Variants in RALYL observed in about 807,000 individuals in gnomAD.
RALYL encodes RALY RNA binding protein like, also known as RNA-binding Raly-like protein.
In RALYL, 29 loss-of-function variants were observed where a neutral mutation model predicts 35.1. That is an observed-to-expected ratio of 0.83 (90% confidence interval 0.61 to 1.13). RALYL has a LOEUF of 1.13. RALYL is among the 50% of genes most tolerant of loss of function. RALYL has a pLI of 0.00. For synonymous variants in RALYL, 120 were observed against 127.6 expected (o/e 0.94, Z 0.40); for missense variants, 359 against 360.4 (o/e 1.00, Z 0.03).
At chr8:84,642,391 CT>C (rs201476519) in intron 2 of RALYL, among the ~76,000 whole-genome samples, 47 of 151,772 alleles carry the variant, frequency 3.1e-4, no homozygotes, top group Middle Eastern at 3.4e-3. Flanking sequence ...ACTCTTTTAC[CT>C]TTTTTTTCCT....
intron 1 of RALYL, among the ~76,000 whole-genome samples, chr8:84,215,155 C>T (rs1314118371): frequency 6.6e-6 from 1 of 152,032 alleles, no homozygotes; most frequent in Non-Finnish European, 1.5e-5. Flanking sequence ...AGAAAAAACA[C>T]TGATTTATCT....
At chr8:84,539,313 A>G (rs115819298) in intron 2 of RALYL, among the ~76,000 whole-genome samples, 1 of 152,178 alleles carries the variant, frequency 6.6e-6, no homozygotes, top group Non-Finnish European at 1.5e-5. Flanking sequence ...ATACAAAGTG[A>G]TGTAAAAACC....
chr8:84,530,208 A>G (rs946209554), intron 2 of RALYL, among the ~76,000 whole-genome samples: 11 of 152,232 alleles, frequency 7.2e-5, no homozygotes, highest in African/African-American at 2.6e-4. Context: ...AATATTTTAT[A>G]ATTAATGTGT....
At chr8:84,573,027 A>G (rs944261850) in intron 2 of RALYL, among the ~76,000 whole-genome samples, 1 of 151,602 alleles carries the variant, frequency 6.6e-6, no homozygotes, top group African/African-American at 2.4e-5. Context: ...CACTTCATAT[A>G]TAATGTAAGA....
chr8:84,335,709 CT>C (rs548185561), intron 1 of RALYL, among the ~76,000 whole-genome samples: 1,684 of 85,252 alleles, frequency 0.02, 37 homozygotes, highest in Admixed American at 0.088. Flanking sequence ...GTTTTCTTAC[CT>C]TTTTTTTTTT....
At chr8:84,624,773 T>G (rs554201526) in intron 2 of RALYL, among the ~76,000 whole-genome samples, 3 of 152,218 alleles carry the variant, frequency 2.0e-5, no homozygotes, top group East Asian at 1.9e-4. Context: ...GCCTCTTGAC[T>G]TACCCTATCG....
intron 2 of RALYL, among the ~76,000 whole-genome samples, chr8:84,704,565 G>GA (rs35560080): frequency 1.3e-5 from 2 of 150,954 alleles, no homozygotes; most frequent in East Asian, 1.9e-4. Context: ...TACATCTCTG[G>GA]AAAAAAAATG....
chr8:84,902,115 C>A (rs1227815030), intron 8 of RALYL, among the ~76,000 whole-genome samples: 1 of 152,098 alleles, frequency 6.6e-6, no homozygotes, highest in African/African-American at 2.4e-5. Flanking sequence ...ATACCTAAGA[C>A]TCGGTAACTT....
intron 1 of RALYL, among the ~76,000 whole-genome samples, chr8:84,337,594 A>G (rs1473322289): frequency 6.6e-6 from 1 of 152,134 alleles, no homozygotes; most frequent in Non-Finnish European, 1.5e-5. Context: ...AGCAGAAAAC[A>G]TCTGATAAAT....
chr8:84,451,883 A>G (rs1283100776), intron 1 of RALYL, among the ~76,000 whole-genome samples: 1 of 151,918 alleles, frequency 6.6e-6, no homozygotes, highest in Non-Finnish European at 1.5e-5. Context: ...CTATAACTCA[A>G]TTACAAAATG....
intron 8 of RALYL, among the ~76,000 whole-genome samples, chr8:84,920,444 C>T (rs1235566192): frequency 6.6e-6 from 1 of 151,990 alleles, no homozygotes; most frequent in Non-Finnish European, 1.5e-5. Flanking sequence ...GATCAAAGAC[C>T]TGTATTGGCT....
intron 2 of RALYL, among the ~76,000 whole-genome samples, chr8:84,540,489 A>G (rs2059948624): frequency 6.6e-6 from 1 of 151,996 alleles, no homozygotes; most frequent in African/African-American, 2.4e-5. Context: ...TGTTAGTGTG[A>G]TGAACTACAA....
chr8:84,230,348 A>G (rs1389953377), intron 1 of RALYL, among the ~76,000 whole-genome samples: 1 of 152,104 alleles, frequency 6.6e-6, no homozygotes, highest in Non-Finnish European at 1.5e-5. Context: ...ATTAATAAAT[A>G]TTGCAGGAGA....
intron 1 of RALYL, among the ~76,000 whole-genome samples, chr8:84,487,316 C>G (rs960875943): frequency 1.3e-5 from 2 of 152,062 alleles, no homozygotes; most frequent in Admixed American, 1.3e-4. Context: ...ACTGTTCCTA[C>G]TGTTCCACCT....
intron 8 of RALYL, among the ~76,000 whole-genome samples, chr8:84,913,049 T>TAGAA (rs1847837043): frequency 6.7e-6 from 1 of 149,860 alleles, no homozygotes; most frequent in Non-Finnish European, 1.5e-5. Flanking sequence ...GGTAGATAGA[T>TAGAA]AGATAGATAG....
chr8:84,905,658 T>C (rs1846361703), intron 8 of RALYL, among the ~76,000 whole-genome samples: 1 of 152,064 alleles, frequency 6.6e-6, no homozygotes, highest in Admixed American at 6.6e-5. Context: ...ACAACAATGT[T>C]CTATTCCTTG....
chr8:84,263,828 T>C (rs1832760497), intron 1 of RALYL, among the ~76,000 whole-genome samples: 1 of 152,156 alleles, frequency 6.6e-6, no homozygotes, highest in Non-Finnish European at 1.5e-5. Flanking sequence ...TGTGATCTCA[T>C]TGTTCATCTC....
In RALYL at chr8:84,813,488, A is replaced by G. The variant is rs1244165598; in HGVS notation, c.365+8686A>G. ...TTTTAATCCATAGTCACATGTCAGA[A>G]TAAGTGCATGGTATATGGTTTATTA... is the stretch of plus-strand genomic sequence containing the variant. On this transcript the variant is annotated intron_variant, in intron 4 of 8. Transcript: ENST00000521268. Among the ~76,000 whole-genome samples, 6 of 152,344 alleles carry G rather than the reference A, an allele frequency of 3.9e-5. No homozygotes were observed. The East Asian group carries it at 1.2e-3, about 29-fold the overall frequency.
At chr8:84,447,645 C>T (rs1027467860) in intron 1 of RALYL, among the ~76,000 whole-genome samples, 14 of 151,990 alleles carry the variant, frequency 9.2e-5, no homozygotes, top group Non-Finnish European at 1.9e-4. Context: ...TGAATGACTA[C>T]GGTGTATTCA....
Sources: allele counts gnomAD v4.1 joint callset (sites outside exome capture counted in the v4.1 genomes callset), GRCh38; gene constraint gnomAD v4.1.1; transcripts MANE v1.5; gene names NCBI Gene and HGNC (gene_info 2026-07-23, HGNC 2026-07-21).